The following AFF2 variants were observed in gnomAD, a reference collection of about 807,000 sequenced individuals.
The protein encoded by AFF2 is ALF transcription elongation factor 2, also known as AF4/FMR2 family member 2.
Under a neutral mutation model 76.9 loss-of-function variants are expected in AFF2, and 14 were observed. That is an observed-to-expected ratio of 0.18 (90% CI 0.12 to 0.28). AFF2 has a LOEUF of 0.28. Ranked by LOEUF, AFF2 falls within the 10% of genes least tolerant of loss-of-function variation. AFF2 has a pLI of 1.00. For missense variants in AFF2, 868 were observed against 1,001.1 expected (o/e 0.87, Z 1.79); for synonymous variants, 398 against 366.7 (o/e 1.09, Z -0.98).
In AFF2 at chrX:148,705,988, G is replaced by A. The variant is rs782564046; in HGVS notation, c.1041+43220G>A. Among the ~76,000 whole-genome samples the A allele has an allele frequency of 2.7e-5, 3 of 111,784 alleles. No homozygotes were observed. The South Asian group carries it at 1.1e-3, about 42-fold the overall frequency. ...TGCAATCCTGGGGCTCTATACATTTGGGAGGAGCCCTCCTTATCATCTCAT... is the reference window on the plus strand; with the variant it reads ...TGCAATCCTGGGGCTCTATACATTTAGGAGGAGCCCTCCTTATCATCTCAT... On this transcript the variant is annotated intron_variant, in intron 3 of 20. Transcript: ENST00000370460.
intron 1 of AFF2, among the ~76,000 whole-genome samples, chrX:148,619,263 T>G (rs973800318): frequency 7.2e-5 from 8 of 111,262 alleles, no homozygotes; most frequent in Non-Finnish European, 1.5e-4. Context: ...CCAAGATAGC[T>G]CAGGTGCTAA....
chrX:148,637,420 G>A (rs1472396137), intron 1 of AFF2, among the ~76,000 whole-genome samples: 1 of 112,020 alleles, frequency 8.9e-6, no homozygotes, highest in Admixed American at 9.5e-5. Flanking sequence ...CAAACCCAAA[G>A]GCACAGTTTT....
intron 7 of AFF2, among the ~76,000 whole-genome samples, chrX:148,846,891 TTC>T (rs1237798320): frequency 8.9e-6 from 1 of 111,859 alleles, no homozygotes; most frequent in Non-Finnish European, 1.9e-5. Flanking sequence ...GCTTTGTAGT[TTC>T]TCTTTCTTTT....
chrX:148,968,482 G>C (rs2072208440), intron 15 of AFF2, among the ~76,000 whole-genome samples: 1 of 111,917 alleles, frequency 8.9e-6, no homozygotes, highest in African/African-American at 3.3e-5. Flanking sequence ...GAGAACGACT[G>C]TCCTAGGGAA....
At chrX:148,633,105 T>C (rs1472274899) in intron 1 of AFF2, among the ~76,000 whole-genome samples, 1 of 111,941 alleles carries the variant, frequency 8.9e-6, no homozygotes, top group East Asian at 2.8e-4. Flanking sequence ...GATACTGCAG[T>C]TCCTTTCAAA....
chrX:148,681,723 GGAAA>G lies in AFF2; in HGVS notation c.1041+18967_1041+18970del, dbSNP rs1171039681. ...AGAAAGAAAGAAAACAAAGAAAGAA[GGAAA>G]GAAAGAAAGAAGAAAGAAAGAGGAA... is the stretch of plus-strand genomic sequence containing the variant. On this transcript the variant is annotated intron_variant, in intron 3 of 20. Transcript: ENST00000370460. Among the ~76,000 whole-genome samples, 15 of 110,052 alleles carry G rather than the reference GGAAA, an allele frequency of 1.4e-4. No individual in the cohort carries two copies. In the East Asian group the frequency reaches 1.4e-3, roughly 10 times the overall value.
Position 148,967,697 on chromosome X carries a change from G to C in AFF2, c.3267+5G>C, listed in dbSNP as rs374064624. On this transcript the variant is annotated splice_donor_5th_base_variant and intron_variant, in intron 15 of 20. Transcript: ENST00000370460. ...AAGCACAAAGCTGATGCACTGGTAA[G>C]TTTCCTTTTTCTCATTGCTTTGTTC... 2 of 1,202,239 alleles carry C rather than the reference G, an allele frequency of 1.7e-6. No individual in the cohort carries two copies. The highest frequency in any genetic ancestry group is 2.3e-6 in the Non-Finnish European group (2 of 888,146).
At chrX:148,796,766 T>G (rs183314681) in intron 3 of AFF2, among the ~76,000 whole-genome samples, 1 of 112,171 alleles carries the variant, frequency 8.9e-6, no homozygotes, top group East Asian at 2.8e-4. Flanking sequence ...CAATTATGTT[T>G]TTTTCTTTCA....
chrX:148,538,866 C>T (rs782627289), intron 1 of AFF2, among the ~76,000 whole-genome samples: 64 of 111,391 alleles, frequency 5.7e-4, no homozygotes, highest in Non-Finnish European at 1.0e-3. Flanking sequence ...TTTGAAGCCC[C>T]GTGACTTTTA....
At chrX:148,505,826 T>G (rs1351941806) in intron 1 of AFF2, among the ~76,000 whole-genome samples, 3 of 111,957 alleles carry the variant, frequency 2.7e-5, no homozygotes, top group Non-Finnish European at 5.6e-5. Context: ...TGTAATTTTG[T>G]TTTTCTTTTT....
intron 3 of AFF2, among the ~76,000 whole-genome samples, chrX:148,765,288 A>G (rs782645716): frequency 9.0e-6 from 1 of 111,155 alleles, no homozygotes; most frequent in African/African-American, 3.3e-5. Context: ...TCTCTTCAGT[A>G]GTAGTAGTGG....
intron 15 of AFF2, among the ~76,000 whole-genome samples, chrX:148,968,013 G>A (rs2124389145): frequency 8.9e-6 from 1 of 111,789 alleles, no homozygotes; most frequent in East Asian, 2.8e-4. Context: ...CCCTGGAAAT[G>A]ATGTGCTTTT....
chrX:148,655,323 C>T (rs1345886075), intron 2 of AFF2, among the ~76,000 whole-genome samples: 4 of 100,610 alleles, frequency 4.0e-5, no homozygotes, highest in African/African-American at 1.1e-4. Flanking sequence ...CTCGCTCTAT[C>T]GCCCAGTCTA....
chrX:148,969,786 A>C (rs1210412609), intron 15 of AFF2, among the ~76,000 whole-genome samples: 1 of 110,946 alleles, frequency 9.0e-6, no homozygotes, highest in Non-Finnish European at 1.9e-5. Flanking sequence ...ATGGAAAAAC[A>C]AGGTTGAGGA....
At chrX:148,590,113 A>C (rs2053508640) in intron 1 of AFF2, among the ~76,000 whole-genome samples, 1 of 104,697 alleles carries the variant, frequency 9.6e-6, no homozygotes, top group Non-Finnish European at 2.0e-5. Context: ...ACCACCAAAC[A>C]CGCAGTTGGA....
chrX:148,682,777 G>A (rs782739176), intron 3 of AFF2, among the ~76,000 whole-genome samples: 2 of 111,820 alleles, frequency 1.8e-5, no homozygotes, highest in African/African-American at 6.5e-5. Context: ...ATATTTTTTA[G>A]CAAAAACATA....
intron 1 of AFF2, among the ~76,000 whole-genome samples, chrX:148,603,409 A>G (rs2053644755): frequency 9.1e-6 from 1 of 110,374 alleles, no homozygotes; most frequent in African/African-American, 3.3e-5. Context: ...TATCTGAATA[A>G]CAGACTGGCT....
intron 1 of AFF2, among the ~76,000 whole-genome samples, chrX:148,512,352 A>G (rs920591642): frequency 1.8e-5 from 2 of 111,970 alleles, no homozygotes; most frequent in African/African-American, 6.5e-5. Context: ...TTGTATTCTG[A>G]TTAGCATCAT....
At chrX:148,981,988 A>T (rs2072400042) in intron 19 of AFF2, among the ~76,000 whole-genome samples, 1 of 112,348 alleles carries the variant, frequency 8.9e-6, no homozygotes, top group Non-Finnish European at 1.9e-5. Flanking sequence ...CAAAAGAGAA[A>T]GAGTGCTTCT....
Sources: gnomAD v4.1 joint callset for allele counts (sites outside exome capture counted in the v4.1 genomes callset) on GRCh38, gnomAD v4.1.1 for gene constraint, MANE v1.5 for transcripts, NCBI Gene and HGNC (gene_info 2026-07-23, HGNC 2026-07-21) for gene names.